The following CMSS1 variants were observed in gnomAD, a reference collection of about 807,000 sequenced individuals.
The protein encoded by CMSS1 is protein CMSS1.
Under a neutral mutation model 43.5 loss-of-function variants are expected in CMSS1, and 33 were observed. The ratio of observed to expected loss-of-function variants is 0.76; its 90% CI spans 0.57 to 1.01. The LOEUF (loss-of-function observed/expected upper bound fraction) is 1.01, where lower values mean the gene tolerates loss of function less well. Ranked by LOEUF, CMSS1 falls within the 50% of genes least tolerant of loss-of-function variation. The pLI is 0.00. For missense variants in CMSS1, 313 were observed against 326.4 expected, an observed-to-expected ratio of 0.96 and a Z score of 0.32; for synonymous variants, 115 against 117.2, an observed-to-expected ratio of 0.98 and a Z score of 0.12.
intron 1 of CMSS1, among the ~76,000 whole-genome samples, chr3:99,888,813 A>G (rs1705992810): frequency 6.6e-6 from 1 of 152,206 alleles, no homozygotes; most frequent in African/African-American, 2.4e-5. Flanking sequence ...TTGCAAAAAA[A>G]TAACTCTGCT....
At chr3:100,164,913 A>G (rs187677424) in intron 4 of CMSS1, among the ~76,000 whole-genome samples, 17 of 152,288 alleles carry the variant, frequency 1.1e-4, no homozygotes, top group African/African-American at 3.9e-4. Flanking sequence ...TACATTGTTA[A>G]TGTCATACAC....
intron 1 of CMSS1, among the ~76,000 whole-genome samples, chr3:100,054,958 A>G (rs897281705): frequency 1.3e-5 from 2 of 152,158 alleles, no homozygotes; most frequent in Non-Finnish European, 2.9e-5. Flanking sequence ...AAACTTCTGA[A>G]TGCCCTTTCC....
At chr3:100,068,400 C>A (rs1320936952) in intron 1 of CMSS1, among the ~76,000 whole-genome samples, 1 of 151,180 alleles carries the variant, frequency 6.6e-6, no homozygotes, top group African/African-American at 2.4e-5. Flanking sequence ...GATATAGTAT[C>A]TTTTGACTCA....
At chr3:99,986,724 C>G (rs1709352434) in intron 1 of CMSS1, among the ~76,000 whole-genome samples, 1 of 151,978 alleles carries the variant, frequency 6.6e-6, no homozygotes, top group Non-Finnish European at 1.5e-5. Flanking sequence ...TCTAGTGGCC[C>G]TAAGCGGGGG....
rs2066623310 is a variant in CMSS1, at chr3:100,121,702, A to G, written c.65-25271A>G. On this transcript the variant is annotated intron_variant, in intron 1 of 9. Coordinates refer to ENST00000421999, the MANE Select transcript of CMSS1 (RefSeq NM_032359.4). ...ATTTCTAGTTCTAGATCCTTGAGGA[A>G]TCGCCACACTGTCTTCCACAATGGT... is the stretch of plus-strand genomic sequence containing the variant. Among the ~76,000 whole-genome samples the G allele has an allele frequency of 2.0e-5, 3 of 152,154 alleles. No individual in the cohort carries two copies. In the South Asian group the frequency reaches 6.2e-4, roughly 32 times the overall value.
intron 1 of CMSS1, among the ~76,000 whole-genome samples, chr3:99,973,600 T>G (rs938466490): frequency 6.6e-6 from 1 of 152,224 alleles, no homozygotes. Context: ...TCAGATCTTA[T>G]AGAATTTATA....
intron 1 of CMSS1, among the ~76,000 whole-genome samples, chr3:99,943,218 C>G (rs1368208787): frequency 6.6e-6 from 1 of 152,056 alleles, no homozygotes; most frequent in Non-Finnish European, 1.5e-5. Flanking sequence ...TCAAAAGAAC[C>G]AATTATGACA....
intron 1 of CMSS1, among the ~76,000 whole-genome samples, chr3:99,942,606 C>A (rs532634662): frequency 1.1e-4 from 16 of 152,134 alleles, no homozygotes; most frequent in African/African-American, 3.1e-4. Flanking sequence ...CCGAGGCGGG[C>A]GGATCACCTG....
chr3:99,971,119 C>G (rs1176365722), intron 1 of CMSS1, among the ~76,000 whole-genome samples: 1 of 152,134 alleles, frequency 6.6e-6, no homozygotes, highest in Non-Finnish European at 1.5e-5. Flanking sequence ...GGGCGGATCA[C>G]TAGGTCAGGA....
At chr3:99,856,920 T>C (rs978321886) in intron 1 of CMSS1, among the ~76,000 whole-genome samples, 2 of 152,198 alleles carry the variant, frequency 1.3e-5, no homozygotes, top group Non-Finnish European at 2.9e-5. Flanking sequence ...ATACCCATAA[T>C]AACTTATATT....
intron 1 of CMSS1, among the ~76,000 whole-genome samples, chr3:99,839,077 G>C (rs191012692): frequency 6.9e-4 from 105 of 152,164 alleles, no homozygotes; most frequent in African/African-American, 2.4e-3. Context: ...CCTCTTTGGA[G>C]CACCTTTCTT....
intron 1 of CMSS1, among the ~76,000 whole-genome samples, chr3:100,019,529 AT>A (rs1354439109): frequency 6.6e-6 from 1 of 152,208 alleles, no homozygotes; most frequent in Non-Finnish European, 1.5e-5. Context: ...TTTTAAAGTA[AT>A]TTTTTAAAAG....
chr3:99,947,468 C>T (rs2107684094), intron 1 of CMSS1, among the ~76,000 whole-genome samples: 1 of 152,298 alleles, frequency 6.6e-6, no homozygotes, highest in East Asian at 1.9e-4. Context: ...TGCCCCACCC[C>T]CTTCACCTTA....
rs369007696 is a variant in CMSS1 at position 99,946,522 on chromosome 3, G to C, written c.64+128479G>C. ...ATGTCTGTATCAGAACTGCCCTGTT[G>C]ATGTAGCTGCAGCTAAAGAATGGGC... On this transcript the variant is annotated intron_variant, in intron 1 of 9. Transcript: ENST00000421999. 2.4e-4 allele frequency among the ~76,000 whole-genome samples: 37 copies of C among 152,256 alleles called. No individual in the cohort carries two copies. In the South Asian group the frequency reaches 7.7e-3, roughly 32 times the overall value.
intron 5 of CMSS1, 117 bp from the exon 6 acceptor site, chr3:100,167,621 A>C: frequency 1.9e-6 from 1 of 535,548 alleles, no homozygotes; most frequent in Non-Finnish European, 3.3e-6. Context: ...ATTATAATGA[A>C]CCATGCTTAC....
intron 1 of CMSS1, among the ~76,000 whole-genome samples, chr3:100,024,253 A>C (rs2064878494): frequency 6.6e-6 from 1 of 151,876 alleles, no homozygotes; most frequent in African/African-American, 2.4e-5. Flanking sequence ...GTGTAGAGCC[A>C]AGGCCTTTTC....
chr3:100,009,069 A>C (rs1022499461), intron 1 of CMSS1, among the ~76,000 whole-genome samples: 10 of 152,346 alleles, frequency 6.6e-5, no homozygotes, highest in African/African-American at 2.4e-4. Context: ...GGTTTGCAGT[A>C]GACTTAAAAG....
intron 1 of CMSS1, among the ~76,000 whole-genome samples, chr3:100,035,717 A>G (rs1319875273): frequency 6.6e-6 from 1 of 152,202 alleles, no homozygotes; most frequent in Non-Finnish European, 1.5e-5. Flanking sequence ...TTACCTTTAA[A>G]TTTATTTTAT....
intron 1 of CMSS1, among the ~76,000 whole-genome samples, chr3:99,923,310 C>A (rs1327513544): frequency 6.6e-6 from 1 of 152,120 alleles, no homozygotes; most frequent in Non-Finnish European, 1.5e-5. Flanking sequence ...ATTCTTTACA[C>A]CAGATACTGT....
Sources: allele counts gnomAD v4.1 joint callset (sites outside exome capture counted in the v4.1 genomes callset), GRCh38; gene constraint gnomAD v4.1.1; transcripts MANE v1.5; gene names NCBI Gene and HGNC (gene_info 2026-07-23, HGNC 2026-07-21).